The following SLC2A5 variants were observed in gnomAD, a reference collection of about 807,000 sequenced individuals.
SLC2A5 encodes solute carrier family 2 member 5.
A neutral mutation model predicts 50.3 loss-of-function variants in SLC2A5; 56 were observed. That is an observed-to-expected ratio of 1.11 (90% confidence interval 0.90 to 1.39). SLC2A5 has a LOEUF of 1.39. Among genes scored for constraint, SLC2A5 ranks in the 40% most tolerant of loss-of-function variants. The pLI is 0.00. For synonymous variants in SLC2A5, 269 were observed against 281.9 expected (o/e 0.95, Z 0.46); for missense variants, 566 against 650.1 (o/e 0.87, Z 1.41).
Position 9,041,874 on chromosome 1 carries a change from G to C in SLC2A5, c.482C>G (p.Ala161Gly), listed in dbSNP as rs148745114. 2.5e-6 allele frequency: 4 copies of C among 1,613,962 alleles called. No homozygotes were observed. The highest frequency in any genetic ancestry group is 3.4e-6 in the Non-Finnish European group (4 of 1,179,992). The change falls in exon 5 of 12, where the codon GCT (alanine) becomes GGT (glycine). Residue 161 changes from alanine (A) to glycine (G), a missense_variant. Physicochemically the swap from Ala to Gly is moderately conservative, Grantham distance 60 (BLOSUM62 0). Coordinates refer to ENST00000377424, the MANE Select transcript of SLC2A5 (RefSeq NM_003039.3). ...GELAPKNLRG[A>G]LGVVPQLFIT... is the part of the protein sequence containing the mutation. ...GAAGAGCTGGGGCACCACCCCGAGAGCCCCCCGCAGGTTTTTAGGGGCCAG... is the reference window on the plus strand; with the variant it reads ...GAAGAGCTGGGGCACCACCCCGAGACCCCCCCGCAGGTTTTTAGGGGCCAG...
At chr1:9,042,674 A>T (rs1641336620) in intron 4 of SLC2A5, among the ~76,000 whole-genome samples, 1 of 149,570 alleles carries the variant, frequency 6.7e-6, no homozygotes, top group African/African-American at 2.5e-5. Context: ...GTGTGTGTGT[A>T]TAGGGCATGT....
chr1:9,047,522 A>G, intron 4 of SLC2A5, 88 bp downstream of exon 4: 1 of 1,400,832 alleles, frequency 7.1e-7, no homozygotes, highest in South Asian at 1.3e-5. Flanking sequence ...CGCTTCAGAC[A>G]TCACAGATTG....
intron 1 of SLC2A5, among the ~76,000 whole-genome samples, chr1:9,060,559 A>T (rs115441403): frequency 0.034 from 4,685 of 137,718 alleles, 155 homozygotes; most frequent in African/African-American, 0.082. Flanking sequence ...CCCCACACAC[A>T]CACCACACAC....
At position 9,040,128 on chromosome 1, in the gene SLC2A5, G is replaced by A. The variant is rs749882092; in HGVS notation, c.633C>T (p.Pro211=). The change falls in exon 6 of 12, where the codon CCC becomes CCT. Residue 211 remains proline (P), a synonymous_variant. Coordinates refer to ENST00000377424, the MANE Select transcript of SLC2A5 (RefSeq NM_003039.3). The surrounding 1 kb of genome is among the most constrained non-coding windows in gnomAD (Gnocchi z 4.3). ...GGTACCTGGGGCTCTCGGGGAAGAA[G>A]GGCAGCAGAAGGAGCTGCAGCGCCG... ...VPAALQLLLL[P]FFPESPRYLL... 2.5e-6 allele frequency: 4 copies of A among 1,595,698 alleles called. No homozygotes were observed. In the South Asian group the frequency reaches 3.4e-5, roughly 13 times the overall value.
intron 3 of SLC2A5, among the ~76,000 whole-genome samples, chr1:9,052,788 T>C (rs1641610985): frequency 6.6e-6 from 1 of 151,034 alleles, no homozygotes; most frequent in South Asian, 2.1e-4. Flanking sequence ...GAGGCCAAGG[T>C]GGGAGGATGG....
intron 1 of SLC2A5, among the ~76,000 whole-genome samples, chr1:9,059,883 A>T (rs2124415745): frequency 6.6e-6 from 1 of 151,952 alleles, no homozygotes. Context: ...AAGGGAGAGA[A>T]ACAATGATCA....
intron 10 of SLC2A5, 78 bp downstream of exon 10, chr1:9,038,353 A>C: frequency 9.6e-7 from 1 of 1,041,522 alleles, no homozygotes; most frequent in Non-Finnish European, 1.5e-6. Context: ...CATCCCTGGT[A>C]TCTCTAAGGA....
At chr1:9,091,715 C>T (rs552889353), upstream of SLC2A5, among the ~76,000 whole-genome samples, 34 of 152,252 alleles carry the variant, frequency 2.2e-4, no homozygotes, top group South Asian at 7.1e-3. Flanking sequence ...ACCTTACTTC[C>T]ACTCACATAA....
chr1:9,078,328 A>C (rs948802112), intron 2 of SLC2A5, among the ~76,000 whole-genome samples: 1 of 152,146 alleles, frequency 6.6e-6, no homozygotes, highest in Non-Finnish European at 1.5e-5. Flanking sequence ...CCTTGTGCTG[A>C]CTTCTTATTT....
At chr1:9,059,701 A>C (rs1358356884) in intron 1 of SLC2A5, among the ~76,000 whole-genome samples, 1 of 151,402 alleles carries the variant, frequency 6.6e-6, no homozygotes, top group East Asian at 1.9e-4. Context: ...GGCTAATTAA[A>C]AAATATATTT....
At chr1:9,075,817 T>C (rs949472149) in intron 2 of SLC2A5, among the ~76,000 whole-genome samples, 11 of 152,032 alleles carry the variant, frequency 7.2e-5, no homozygotes, top group African/African-American at 2.7e-4. Flanking sequence ...CCTGCCACCA[T>C]GCCCAGCTAA....
intron 2 of SLC2A5, among the ~76,000 whole-genome samples, chr1:9,082,339 G>C (rs990311445): frequency 6.6e-6 from 1 of 152,146 alleles, no homozygotes; most frequent in Non-Finnish European, 1.5e-5. Flanking sequence ...TAGCCAAAAG[G>C]GGGAAACAGC....
chr1:9,038,997 G>GT (rs1194148851), intron 8 of SLC2A5, 68 bp from the exon 9 acceptor site: 2 of 1,558,526 alleles, frequency 1.3e-6, no homozygotes, highest in Non-Finnish European at 1.7e-6. Flanking sequence ...CCCTCCAATG[G>GT]GGCAGCTGTG....
chr1:9,070,018 C>G (rs1187570247), upstream of SLC2A5, among the ~76,000 whole-genome samples: 1 of 148,690 alleles, frequency 6.7e-6, no homozygotes, highest in Non-Finnish European at 1.5e-5. Context: ...GGTGGAGAGT[C>G]AGTTTTGCCC....
At chr1:9,083,994 A>G (rs1642380017) in intron 2 of SLC2A5, among the ~76,000 whole-genome samples, 1 of 151,846 alleles carries the variant, frequency 6.6e-6, no homozygotes, top group Admixed American at 6.6e-5. Context: ...AATACAAAAA[A>G]TTAGCCGGGC....
At position 9,041,369 on chromosome 1, in the gene SLC2A5, C is replaced by T. The variant is rs956670177; in HGVS notation, c.571+416G>A. Reference sequence around the variant, plus strand: ...CACTCCTGGTACTTCTCTTTCTGGTCTGCAAAATGGGATAATCACTGAGTC... The same window carrying T: ...CACTCCTGGTACTTCTCTTTCTGGTTTGCAAAATGGGATAATCACTGAGTC... On this transcript the variant is annotated intron_variant, in intron 5 of 11. Coordinates refer to ENST00000377424, the MANE Select transcript of SLC2A5 (RefSeq NM_003039.3). The T allele has an allele frequency of 7.0e-6, 6 of 853,762 alleles. No individual in the cohort carries two copies. The African/African-American group carries it at 1.0e-4, about 15-fold the overall frequency. 52.9% of individuals were successfully genotyped at this position (853,762 alleles called of 1,614,324 possible).
chr1:9,063,788 C>T (rs1385315133), intron 1 of SLC2A5, among the ~76,000 whole-genome samples: 3 of 128,292 alleles, frequency 2.3e-5, no homozygotes, highest in African/African-American at 3.4e-5. Context: ...CTCCGCCTCC[C>T]GGGTTCACGC....
At chr1:9,039,452 G>T in intron 8 of SLC2A5, 100 bp downstream of exon 8, 1 of 826,878 alleles carries the variant, frequency 1.2e-6, no homozygotes, top group Non-Finnish European at 1.8e-6. Flanking sequence ...GGTCCTCCAC[G>T]TTTTGGGGCC....
intron 7 of SLC2A5, 26 bp from the exon 8 acceptor site, chr1:9,039,688 G>T: frequency 6.7e-7 from 1 of 1,495,060 alleles, no homozygotes; most frequent in Non-Finnish European, 8.9e-7. Context: ...GGGGCTGGGC[G>T]GCTGCCCGGA....
Sources: allele counts gnomAD v4.1 joint callset (sites outside exome capture counted in the v4.1 genomes callset), GRCh38; gene constraint gnomAD v4.1.1; non-coding constraint Gnocchi (gnomAD v3.1); transcripts MANE v1.5; gene names NCBI Gene and HGNC (gene_info 2026-07-23, HGNC 2026-07-21).